The following C1orf87 variants were observed in gnomAD, a reference collection of about 807,000 sequenced individuals.
C1orf87 encodes chromosome 1 open reading frame 87.
In C1orf87, 58 loss-of-function variants were observed where a neutral mutation model predicts 60.5. That is an observed-to-expected ratio of 0.96 (90% confidence interval 0.78 to 1.19). C1orf87 has a LOEUF of 1.19. Among genes scored for constraint, C1orf87 ranks in the 50% most tolerant of loss-of-function variants. C1orf87 has a pLI of 0.00. For missense variants in C1orf87, 673 were observed against 638.6 expected (o/e 1.05, Z -0.58); for synonymous variants, 236 against 227.4 (o/e 1.04, Z -0.34).
intron 8 of C1orf87, among the ~76,000 whole-genome samples, chr1:60,024,196 T>C (rs1645183177): frequency 6.6e-6 from 1 of 152,182 alleles, no homozygotes; most frequent in Non-Finnish European, 1.5e-5. Flanking sequence ...AAAATTGTGA[T>C]TTTTGCATTG....
At chr1:59,998,795 GAGAA>G (rs1557454927) in intron 10 of C1orf87, among the ~76,000 whole-genome samples, 1 of 152,106 alleles carries the variant, frequency 6.6e-6, no homozygotes, top group African/African-American at 2.4e-5. Flanking sequence ...CTGGTCTACT[GAGAA>G]AGAGAGAGAA....
intron 3 of C1orf87, among the ~76,000 whole-genome samples, chr1:60,046,878 T>A (rs1645375870): frequency 6.6e-6 from 1 of 152,236 alleles, no homozygotes; most frequent in South Asian, 2.1e-4. Context: ...ATGCTGTTTT[T>A]AAAAAGTATC....
chr1:60,057,452 T>A (rs1645465146), intron 2 of C1orf87, among the ~76,000 whole-genome samples: 1 of 152,174 alleles, frequency 6.6e-6, no homozygotes, highest in African/African-American at 2.4e-5. Context: ...CAGATAAGAC[T>A]TTGTTATCAT....
rs1057296383 is a variant in C1orf87, at chr1:59,990,612, CAT to C, written c.*59_*60del. On this transcript the variant is annotated 3_prime_UTR_variant, in exon 12 of 12. Coordinates refer to ENST00000371201, the MANE Select transcript of C1orf87 (RefSeq NM_152377.3). ...CCACTACACTTAGGCTGGGGAGAAA[CAT>C]GTGTCTGGGTAAAAAGGGAGATAAG... 17 of 1,579,028 alleles carry C rather than the reference CAT, an allele frequency of 1.1e-5. No individual in the cohort carries two copies. In the Admixed American group the frequency reaches 1.9e-4, roughly 17 times the overall value.
chr1:60,017,638 A>T (rs1157533201), intron 8 of C1orf87, among the ~76,000 whole-genome samples: 1 of 152,166 alleles, frequency 6.6e-6, no homozygotes, highest in African/African-American at 2.4e-5. Flanking sequence ...ATTTATTGCA[A>T]AGTCACACAG....
chr1:60,071,710 C>T (rs779678406), intron 2 of C1orf87, among the ~76,000 whole-genome samples: 2 of 152,170 alleles, frequency 1.3e-5, no homozygotes, highest in Non-Finnish European at 2.9e-5. Flanking sequence ...TTTTTGAGGT[C>T]TCTCCCAGTG....
At chr1:60,027,948 G>A (rs1294113456) in intron 7 of C1orf87, among the ~76,000 whole-genome samples, 2 of 152,294 alleles carry the variant, frequency 1.3e-5, no homozygotes, top group South Asian at 2.1e-4. Context: ...CTACAAGGTG[G>A]TGGCTTACTC....
intron 8 of C1orf87, among the ~76,000 whole-genome samples, chr1:60,024,449 T>C (rs764957066): frequency 1.3e-5 from 2 of 152,182 alleles, no homozygotes; most frequent in Non-Finnish European, 2.9e-5. Flanking sequence ...CCCAATCCTA[T>C]GTGAGATCTA....
chr1:60,012,495 C>G (rs572535646), intron 8 of C1orf87, among the ~76,000 whole-genome samples: 6 of 152,182 alleles, frequency 3.9e-5, no homozygotes, highest in African/African-American at 1.4e-4. Context: ...TTTCTTTTCT[C>G]CCACGTTCTT....
intron 3 of C1orf87, among the ~76,000 whole-genome samples, chr1:60,044,190 C>T (rs535295976): frequency 5.3e-5 from 8 of 152,040 alleles, no homozygotes; most frequent in East Asian, 3.9e-4. Flanking sequence ...CCACCATGCC[C>T]GGCTAATTTT....
intron 2 of C1orf87, among the ~76,000 whole-genome samples, chr1:60,064,335 TATATATGTA>T (rs1321583951): frequency 1.4e-4 from 10 of 71,228 alleles, no homozygotes; most frequent in South Asian, 5.6e-4. Flanking sequence ...TTATATATAC[TATATATGTA>T]ATATATGTAA....
At chr1:59,990,865 T>A (rs967874140) in intron 11 of C1orf87, 32 bp from the exon 12 acceptor site, 2 of 1,606,224 alleles carry the variant, frequency 1.2e-6, no homozygotes, top group South Asian at 1.1e-5. Context: ...GGAAGGTTTT[T>A]TAAAGAGGAT....
At chr1:60,057,116 G>A (rs565693334) in intron 2 of C1orf87, among the ~76,000 whole-genome samples, 16 of 152,260 alleles carry the variant, frequency 1.1e-4, no homozygotes, top group Middle Eastern at 3.4e-3. Context: ...AAAAATTCCC[G>A]GTAAAGTAGA....
intron 7 of C1orf87, among the ~76,000 whole-genome samples, chr1:60,031,543 G>A (rs896146178): frequency 3.9e-5 from 6 of 152,182 alleles, no homozygotes; most frequent in Admixed American, 2.6e-4. Context: ...GTTTTGAAGT[G>A]AGACCCTCAC....
chr1:60,023,749 A>C (rs538107418), intron 8 of C1orf87, among the ~76,000 whole-genome samples: 6 of 152,158 alleles, frequency 3.9e-5, no homozygotes, highest in Non-Finnish European at 8.8e-5. Context: ...CCTCCAGGCT[A>C]TCCCATTACA....
At chr1:60,006,827 A>G (rs1475416297) in intron 9 of C1orf87, among the ~76,000 whole-genome samples, 1 of 151,956 alleles carries the variant, frequency 6.6e-6, no homozygotes, top group Non-Finnish European at 1.5e-5. Context: ...AATTGCTTCA[A>G]CTTCATCTTT....
chr1:60,063,551 C>A (rs12741916), intron 2 of C1orf87, among the ~76,000 whole-genome samples: 82 of 152,264 alleles, frequency 5.4e-4, no homozygotes, highest in Non-Finnish European at 1.1e-3. Context: ...GCTTCTCTGA[C>A]CTTATTTCCT....
At chr1:60,001,322 C>T (rs1045205850) in intron 9 of C1orf87, among the ~76,000 whole-genome samples, 166 bp from the exon 10 acceptor site, 1 of 151,966 alleles carries the variant, frequency 6.6e-6, no homozygotes, top group Non-Finnish European at 1.5e-5. Flanking sequence ...GTGAGAAAAA[C>T]CTGATTCCCA....
intron 2 of C1orf87, 53 bp downstream of exon 2, chr1:60,072,484 T>C: frequency 7.2e-7 from 1 of 1,390,378 alleles, no homozygotes; most frequent in Admixed American, 2.1e-5. Context: ...AACAAAACAA[T>C]AAAACTTCAT....
Sources: gnomAD v4.1 joint callset for allele counts (sites outside exome capture counted in the v4.1 genomes callset) on GRCh38, gnomAD v4.1.1 for gene constraint, MANE v1.5 for transcripts, NCBI Gene and HGNC (gene_info 2026-07-23, HGNC 2026-07-21) for gene names.